Variants in TBC1D7 observed in about 807,000 individuals in gnomAD.
TBC1D7 encodes the protein TBC domain family 7.
A neutral mutation model predicts 35.3 loss-of-function variants in TBC1D7; 33 were observed. That is an observed-to-expected ratio of 0.93 (90% confidence interval 0.71 to 1.25). The LOEUF is 1.25. Ranked by LOEUF, TBC1D7 falls within the 50% of genes most tolerant of loss-of-function variation. The pLI is 0.00. For synonymous variants in TBC1D7, 135 were observed against 129.5 expected (o/e 1.04, Z -0.29); for missense variants, 362 against 365.3 (o/e 0.99, Z 0.07).
chr6:13,316,502 A>G (rs1562165151), intron 5 of TBC1D7, 69 bp downstream of exon 5: 51 of 1,526,060 alleles, frequency 3.3e-5, no homozygotes, highest in Non-Finnish European at 4.4e-5. Context: ...AGGAGGTAAG[A>G]GCACTCCCTG....
intron 5 of TBC1D7, among the ~76,000 whole-genome samples, chr6:13,310,624 C>T (rs904840617): frequency 1.3e-4 from 12 of 95,638 alleles, no homozygotes; most frequent in Non-Finnish European, 2.1e-4. Flanking sequence ...GGTGACAGAG[C>T]GAGACTCCGT....
chr6:13,307,538 T>G, intron 6 of TBC1D7, 62 bp downstream of exon 6: 1 of 1,562,876 alleles, frequency 6.4e-7, no homozygotes, highest in Non-Finnish European at 8.8e-7. Context: ...GATGACCACA[T>G]GAAAGGCCAG....
chr6:13,322,390 G>A (rs146667246), intron 3 of TBC1D7, among the ~76,000 whole-genome samples: 191 of 152,260 alleles, frequency 1.3e-3, no homozygotes, highest in African/African-American at 3.3e-3. Context: ...ACAATTAACT[G>A]GCTGGGTGGT....
rs763622745 is a variant in TBC1D7 at position 13,326,787 on chromosome 6, C to G, written c.112G>C (p.Asp38His). 1.3e-6 allele frequency: 2 copies of G among 1,599,708 alleles called. No individual in the cohort carries two copies. Among genetic ancestry groups the G allele is most frequent in the African/African-American group, 1.3e-5 (1 of 74,580 alleles). ...GAGATTAATTTTTAAAAGTACTCAC[C>G]CAGACGGTCATCTTTTAGGAGAATT... Reference protein sequence around the residue: ...LEILLKDDRLDTEKLCTFSQR... With the variant: ...LEILLKDDRLHTEKLCTFSQR... The change falls in exon 2 of 8, where the codon GAT (aspartate) becomes CAT (histidine). Residue 38 changes from aspartate to histidine, a missense_variant and splice_region_variant. Transcript: ENST00000379300.
intron 2 of TBC1D7, among the ~76,000 whole-genome samples, chr6:13,326,548 T>A (rs898934673): frequency 2.0e-5 from 3 of 151,650 alleles, no homozygotes; most frequent in Admixed American, 6.6e-5. Flanking sequence ...TGAAAACATA[T>A]GGGTTCAATA....
chr6:13,321,206 A>G (rs765412397), intron 3 of TBC1D7, 111 bp from the exon 4 acceptor site: 27 of 824,294 alleles, frequency 3.3e-5, no homozygotes, highest in Non-Finnish European at 5.2e-5. Flanking sequence ...TTAGGCTAGA[A>G]TTCACGCAGA....
At chr6:13,321,560 C>T (rs1009321650) in intron 3 of TBC1D7, among the ~76,000 whole-genome samples, 1 of 152,174 alleles carries the variant, frequency 6.6e-6, no homozygotes, top group African/African-American at 2.4e-5. Context: ...GTATCCTATC[C>T]TCCAGGTCAC....
chr6:13,307,885 T>G lies in TBC1D7; in HGVS notation c.520-140A>C. On this transcript the variant is annotated intron_variant, in intron 5 of 7. Coordinates refer to ENST00000379300, the MANE Select transcript of TBC1D7 (RefSeq NM_016495.6). The stretch of plus-strand genomic sequence containing the variant: ...AAAACTTCAGAATTATCCAAGTCAC[T>G]TGTGACACAGCAGTTTCCTAGGTCA... 4 of 916,130 alleles carry G rather than the reference T, an allele frequency of 4.4e-6. No individual in the cohort carries two copies. The East Asian group carries it at 8.0e-5, about 18-fold the overall frequency. The allele number at this position is 916,130 out of a possible 1,614,324, so 56.8% of individuals were successfully genotyped here.
rs1015034289 is a variant in TBC1D7, at chr6:13,305,083, C to A, written c.*18G>T. 2.5e-6 allele frequency: 4 copies of A among 1,593,620 alleles called. No individual in the cohort carries two copies. The Admixed American group carries it at 5.2e-5, about 21-fold the overall frequency. ...TCACTGTGGTGCCTGGCAGACGGTCCACAACCAGCGGGTGCGTTCAGCTTG... is the reference window on the plus strand; with the variant it reads ...TCACTGTGGTGCCTGGCAGACGGTCAACAACCAGCGGGTGCGTTCAGCTTG... On this transcript the variant is annotated 3_prime_UTR_variant, in exon 8 of 8. Coordinates refer to ENST00000379300, the MANE Select transcript of TBC1D7 (RefSeq NM_016495.6).
chr6:13,314,075 G>C (rs929054437), intron 5 of TBC1D7, among the ~76,000 whole-genome samples: 3 of 152,078 alleles, frequency 2.0e-5, no homozygotes, highest in Non-Finnish European at 4.4e-5. Context: ...AAAATTAGCT[G>C]GGCGTGGTGG....
In TBC1D7 at chr6:13,307,581, C is replaced by G. The variant is rs764226670; in HGVS notation, c.665+19G>C. The G allele has an allele frequency of 2.0e-5, 33 of 1,613,470 alleles. No individual in the cohort carries two copies. In the East Asian group the frequency reaches 7.1e-4, roughly 35 times the overall value. The stretch of plus-strand genomic sequence containing the variant: ...CTCTAACGCCAAGCCTTCAATATGT[C>G]TTCGAAAGACCTACTTGCCTCTGTA... On this transcript the variant is annotated intron_variant, in intron 6 of 7. Transcript: ENST00000379300.
chr6:13,312,253 A>C (rs1443052234), intron 5 of TBC1D7, among the ~76,000 whole-genome samples: 1 of 152,200 alleles, frequency 6.6e-6, no homozygotes, highest in African/African-American at 2.4e-5. Context: ...GAAGAGGAAC[A>C]GGAGGAGGAG....
chr6:13,318,853 T>C (rs922030151), intron 4 of TBC1D7: 1 of 152,186 alleles, frequency 6.6e-6, no homozygotes, highest in African/African-American at 2.4e-5. Flanking sequence ...GCAATCAGCA[T>C]AGTAAAAATT....
intron 5 of TBC1D7, among the ~76,000 whole-genome samples, chr6:13,308,395 G>C (rs899855941): frequency 1.3e-5 from 2 of 152,182 alleles, no homozygotes; most frequent in African/African-American, 4.8e-5. Context: ...GAATTTCTTA[G>C]AATTCAAGGG....
intron 5 of TBC1D7, among the ~76,000 whole-genome samples, chr6:13,313,186 C>T (rs1034131479): frequency 5.9e-5 from 9 of 152,094 alleles, no homozygotes; most frequent in African/African-American, 2.2e-4. Context: ...CTCAATGAGT[C>T]CTAGAATTAA....
At chr6:13,320,025 T>G (rs1018771742) in intron 4 of TBC1D7, 6 of 152,236 alleles carry the variant, frequency 3.9e-5, no homozygotes, top group African/African-American at 1.2e-4. Flanking sequence ...CAGCATCACC[T>G]ACTTGGTATC....
intron 5 of TBC1D7, among the ~76,000 whole-genome samples, chr6:13,308,514 A>C (rs1347504774): frequency 3.3e-5 from 5 of 152,198 alleles, no homozygotes; most frequent in African/African-American, 1.2e-4. Context: ...CAGCTCCCCA[A>C]ACCTGGCCAA....
At chr6:13,308,760 G>A (rs1451797271) in intron 5 of TBC1D7, among the ~76,000 whole-genome samples, 1 of 152,052 alleles carries the variant, frequency 6.6e-6, no homozygotes, top group African/African-American at 2.4e-5. Flanking sequence ...GTCAGAGACT[G>A]TGCTACACAC....
chr6:13,325,329 C>A (rs1269840718), intron 2 of TBC1D7, among the ~76,000 whole-genome samples, 155 bp from the exon 3 acceptor site: 1 of 152,164 alleles, frequency 6.6e-6, no homozygotes, highest in African/African-American at 2.4e-5. Flanking sequence ...CAATACTAGT[C>A]TGATTTCTAG....
Sources: allele counts gnomAD v4.1 joint callset (sites outside exome capture counted in the v4.1 genomes callset), GRCh38; gene constraint gnomAD v4.1.1; transcripts MANE v1.5; gene names NCBI Gene and HGNC (gene_info 2026-07-23, HGNC 2026-07-21).